CNTN4: variants seen among roughly 807,000 people sequenced by gnomAD.
CNTN4 encodes the protein contactin 4.
A neutral mutation model predicts 122.5 loss-of-function variants in CNTN4; 77 were observed. That is an observed-to-expected ratio of 0.63 (90% CI 0.52 to 0.76). The LOEUF (loss-of-function observed/expected upper bound fraction) is 0.76, where lower values mean the gene tolerates loss of function less well. Ranked by LOEUF, CNTN4 falls within the 30% of genes least tolerant of loss-of-function variation. The pLI is 0.00. For synonymous variants in CNTN4, 512 were observed against 447.0 expected, an observed-to-expected ratio of 1.15 and a Z score of -1.83; for missense variants, 1,256 against 1,259.1, an observed-to-expected ratio of 1.00 and a Z score of 0.04.
At chr3:2,993,792 G>A (rs559522881) in intron 14 of CNTN4, among the ~76,000 whole-genome samples, 17 of 152,228 alleles carry the variant, frequency 1.1e-4, no homozygotes, top group African/African-American at 4.1e-4. Context: ...AACTTTTCTT[G>A]TACCCCTGCT....
intron 4 of CNTN4, among the ~76,000 whole-genome samples, chr3:2,693,157 T>G (rs965394): frequency 0.02 from 3,066 of 152,302 alleles, 115 homozygotes; most frequent in African/African-American, 0.07. Context: ...TATCATTAAT[T>G]AGTATTTGAT....
At chr3:2,250,205 A>G (rs1411755613) in intron 2 of CNTN4, among the ~76,000 whole-genome samples, 1 of 151,980 alleles carries the variant, frequency 6.6e-6, no homozygotes, top group Non-Finnish European at 1.5e-5. Flanking sequence ...ATTTAATTTC[A>G]TGAGAATTAC....
Position 3,042,356 on chromosome 3 carries a change from C to T in CNTN4, c.2445C>T (p.Ala815=). ...GTATCTTTGCCAGAAGTCTTTCTGCCACAGATATTGAAGTTTTCTGGGCCT... is the reference window on the plus strand; with the variant it reads ...GTATCTTTGCCAGAAGTCTTTCTGCTACAGATATTGAAGTTTTCTGGGCCT... ...PASIFARSLS[A]TDIEVFWASP... is the part of the protein sequence containing the mutation. The change falls in exon 21 of 25, where the codon GCC becomes GCT. Residue 815 remains alanine (A), a synonymous_variant. Transcript: ENST00000418658. 1.2e-6 allele frequency: 2 copies of T among 1,614,130 alleles called. No homozygotes were observed. Among genetic ancestry groups the T allele is most frequent in the Non-Finnish European group, 1.7e-6 (2 of 1,180,006 alleles).
intron 6 of CNTN4, among the ~76,000 whole-genome samples, chr3:2,748,677 T>A (rs1335626691): frequency 1.3e-5 from 2 of 152,204 alleles, no homozygotes; most frequent in Non-Finnish European, 2.9e-5. Context: ...GTAGTGAGAA[T>A]CTTTGCTAAA....
At chr3:2,988,154 C>G (rs17596088) in intron 13 of CNTN4, among the ~76,000 whole-genome samples, 191 bp from the exon 14 acceptor site, 4,438 of 152,222 alleles carry the variant, frequency 0.029, 80 homozygotes, top group Non-Finnish European at 0.042. Flanking sequence ...AAACACTAAA[C>G]AAGTCACATG....
intron 2 of CNTN4, among the ~76,000 whole-genome samples, chr3:2,195,152 G>A (rs56355762): frequency 4.3e-4 from 65 of 152,174 alleles, no homozygotes; most frequent in African/African-American, 1.6e-3. Flanking sequence ...TAGATTCCAC[G>A]TGTAAGTGAG....
chr3:2,758,045 A>G (rs186341809), intron 6 of CNTN4, among the ~76,000 whole-genome samples: 50 of 152,276 alleles, frequency 3.3e-4, no homozygotes, highest in Non-Finnish European at 5.9e-4. Context: ...AATTGAATGC[A>G]GTCTAGTGTG....
At chr3:2,708,645 C>T (rs2086890847) in intron 4 of CNTN4, among the ~76,000 whole-genome samples, 1 of 150,692 alleles carries the variant, frequency 6.6e-6, no homozygotes, top group African/African-American at 2.4e-5. Context: ...ATCTGGAGAC[C>T]TTCATGTACT....
intron 23 of CNTN4, among the ~76,000 whole-genome samples, chr3:3,045,791 G>T (rs2125825203): frequency 6.6e-6 from 1 of 152,354 alleles, no homozygotes; most frequent in East Asian, 1.9e-4. Flanking sequence ...TGACTTTGAT[G>T]AGTTGAGAGA....
At chr3:2,479,193 G>GA (rs1346280381) in intron 3 of CNTN4, among the ~76,000 whole-genome samples, 2 of 151,936 alleles carry the variant, frequency 1.3e-5, no homozygotes, top group Non-Finnish European at 2.9e-5. Context: ...TTTTTTAAGA[G>GA]AAAAAAATAA....
chr3:2,996,547 A>G (rs1313544501), intron 14 of CNTN4, among the ~76,000 whole-genome samples: 2 of 152,182 alleles, frequency 1.3e-5, no homozygotes, highest in Non-Finnish European at 2.9e-5. Context: ...AGAATAAACA[A>G]AACAAACAAA....
chr3:2,344,558 G>T (rs62244014), intron 3 of CNTN4, among the ~76,000 whole-genome samples: 19,388 of 152,124 alleles, frequency 0.13, 1,537 homozygotes, highest in Non-Finnish European at 0.18. Flanking sequence ...GATTACAAGC[G>T]TGAGCCACGG....
intron 4 of CNTN4, among the ~76,000 whole-genome samples, chr3:2,682,893 T>G (rs764423104): frequency 2.6e-5 from 4 of 151,846 alleles, no homozygotes; most frequent in Non-Finnish European, 4.4e-5. Context: ...AATTTTGCCC[T>G]TATCCTTCAC....
intron 2 of CNTN4, among the ~76,000 whole-genome samples, chr3:2,334,012 T>A (rs925680470): frequency 2.0e-5 from 3 of 152,188 alleles, no homozygotes; most frequent in Non-Finnish European, 4.4e-5. Context: ...GCCTGTTAAA[T>A]ACAATGGCCT....
intron 3 of CNTN4, among the ~76,000 whole-genome samples, chr3:2,538,219 A>T (rs2077885976): frequency 6.6e-6 from 1 of 151,958 alleles, no homozygotes; most frequent in African/African-American, 2.4e-5. Context: ...ATAGAAGGAG[A>T]CCTTTTCCTA....
At chr3:2,831,530 G>T (rs2093104234) in intron 7 of CNTN4, among the ~76,000 whole-genome samples, 1 of 152,152 alleles carries the variant, frequency 6.6e-6, no homozygotes, top group Non-Finnish European at 1.5e-5. Context: ...AAAACAATGG[G>T]CAGCCACTTT....
intron 3 of CNTN4, among the ~76,000 whole-genome samples, chr3:2,365,287 C>T (rs1257323820): frequency 1.3e-5 from 2 of 152,154 alleles, no homozygotes; most frequent in Non-Finnish European, 2.9e-5. Context: ...TGAAACACAG[C>T]TCCTCTTGGT....
intron 3 of CNTN4, among the ~76,000 whole-genome samples, chr3:2,445,012 AATCT>A (rs1309131794): frequency 6.6e-6 from 1 of 151,172 alleles, no homozygotes; most frequent in Non-Finnish European, 1.5e-5. Flanking sequence ...AAAAAAAAAA[AATCT>A]ATCTCTCTAT....
chr3:2,199,673 G>A (rs772809035), intron 2 of CNTN4, among the ~76,000 whole-genome samples: 9 of 152,158 alleles, frequency 5.9e-5, no homozygotes, highest in Admixed American at 2.6e-4. Context: ...ACAAGACACC[G>A]CTGTTCTCCT....
Sources: gnomAD v4.1 joint callset for allele counts (sites outside exome capture counted in the v4.1 genomes callset) on GRCh38, gnomAD v4.1.1 for gene constraint, MANE v1.5 for transcripts, NCBI Gene and HGNC (gene_info 2026-07-23, HGNC 2026-07-21) for gene names.